USP15: variants seen among roughly 807,000 people sequenced by gnomAD.
USP15 encodes ubiquitin specific peptidase 15.
USP15 carries 18 observed loss-of-function variants against 127.1 expected under a neutral mutation model. The observed-to-expected ratio is 0.14, with a 90% CI of 0.10 to 0.21. The LOEUF (loss-of-function observed/expected upper bound fraction) is 0.21. Among genes scored for constraint, USP15 ranks in the 10% least tolerant of loss-of-function variants. The probability of loss-of-function intolerance (pLI) is 1.00; values close to 1 mark genes in which losing one functional copy is unlikely to be tolerated. For synonymous variants in USP15, 364 were observed against 393.7 expected, an observed-to-expected ratio of 0.92 and a Z score of 0.89; for missense variants, 805 against 1,159.9, an observed-to-expected ratio of 0.69 and a Z score of 4.44.
At chr12:62,323,437 C>T (rs1238141405) in intron 5 of USP15, among the ~76,000 whole-genome samples, 1 of 152,072 alleles carries the variant, frequency 6.6e-6, no homozygotes, top group African/African-American at 2.4e-5. Flanking sequence ...CACTATATGT[C>T]AAGAATTGTA....
intron 4 of USP15, among the ~76,000 whole-genome samples, chr12:62,320,770 T>G (rs893451220): frequency 2.0e-5 from 3 of 152,032 alleles, no homozygotes; most frequent in African/African-American, 7.2e-5. Flanking sequence ...TTTTATAAAT[T>G]TTTTCAAAAC....
intron 8 of USP15, among the ~76,000 whole-genome samples, chr12:62,362,295 G>C (rs2066343374): frequency 6.6e-6 from 1 of 152,070 alleles, no homozygotes; most frequent in Non-Finnish European, 1.5e-5. Context: ...GTAACATTAA[G>C]TATATTCACA....
At position 62,273,466 on chromosome 12, in the gene USP15, C is replaced by T. The variant is rs149364123; in HGVS notation, c.89+12963C>T. ...AATTCCCATTTCTAAGATGGACAGTCGAAGGGTTTTATTGCTGAGTAACTT... is the reference window on the plus strand; with the variant it reads ...AATTCCCATTTCTAAGATGGACAGTTGAAGGGTTTTATTGCTGAGTAACTT... On this transcript the variant is annotated intron_variant, in intron 1 of 21. Coordinates refer to ENST00000280377, the MANE Select transcript of USP15 (RefSeq NM_001252078.2). Among the ~76,000 whole-genome samples the T allele has an allele frequency of 3.2e-3, 494 of 152,110 alleles. 1 individual carries two copies. Among genetic ancestry groups the T allele is most frequent in the African/African-American group, 0.011 (476 of 41,508 alleles).
rs2067872244 is a variant in USP15 at position 62,406,480 on chromosome 12, A to AT, written c.*2107dup. 6.6e-6 allele frequency: 1 copy of AT among 152,154 alleles called. No homozygotes were observed. Among genetic ancestry groups the AT allele is most frequent in the African/African-American group, 2.4e-5 (1 of 41,436 alleles). 9.4% of individuals were successfully genotyped at this position (152,154 alleles called of 1,614,324 possible). The stretch of plus-strand genomic sequence containing the variant: ...TCAAAGCTAAATCTTTTAAACCTAT[A>AT]TTGTGGTCTCCATCCTAATTCTTCA... On this transcript the variant is annotated 3_prime_UTR_variant, in exon 22 of 22. Coordinates refer to ENST00000280377, the MANE Select transcript of USP15 (RefSeq NM_001252078.2).
chr12:62,354,393 A>C (rs1302174493), intron 7 of USP15, among the ~76,000 whole-genome samples: 1 of 151,934 alleles, frequency 6.6e-6, no homozygotes, highest in African/African-American at 2.4e-5. Flanking sequence ...CTTTTAGGAA[A>C]GATCTCATTC....
intron 1 of USP15, among the ~76,000 whole-genome samples, chr12:62,285,502 G>A (rs1014749441): frequency 4.0e-5 from 6 of 151,664 alleles, no homozygotes; most frequent in African/African-American, 1.5e-4. Context: ...ACATGAGTGT[G>A]CCACATTGTC....
intron 2 of USP15, among the ~76,000 whole-genome samples, chr12:62,301,273 C>T (rs1478671909): frequency 2.0e-5 from 3 of 152,182 alleles, no homozygotes; most frequent in Non-Finnish European, 4.4e-5. Context: ...AGAAAATAGT[C>T]TGGCAGTTTC....
intron 6 of USP15, among the ~76,000 whole-genome samples, chr12:62,331,910 A>T (rs767969002): frequency 6.6e-6 from 1 of 152,204 alleles, no homozygotes; most frequent in Non-Finnish European, 1.5e-5. Flanking sequence ...CACTCCTATG[A>T]TCCCAGCACT....
chr12:62,309,699 C>G (rs1233345241), intron 3 of USP15, among the ~76,000 whole-genome samples: 1 of 151,724 alleles, frequency 6.6e-6, no homozygotes, highest in Non-Finnish European at 1.5e-5. Context: ...GTAAAAAGGA[C>G]AAAAATGACC....
intron 18 of USP15, 29 bp from the exon 19 acceptor site, chr12:62,393,024 A>G (rs747160349): frequency 6.2e-7 from 1 of 1,608,586 alleles, no homozygotes. Context: ...TACCTCTATC[A>G]AGTGTTAAAT....
chr12:62,351,052 T>G (rs1487311585), intron 7 of USP15, among the ~76,000 whole-genome samples: 1 of 152,172 alleles, frequency 6.6e-6, no homozygotes, highest in African/African-American at 2.4e-5. Context: ...ACATGTATTT[T>G]TATAATGATT....
intron 2 of USP15, among the ~76,000 whole-genome samples, chr12:62,300,155 T>C (rs2064265579): frequency 6.6e-6 from 1 of 150,980 alleles, no homozygotes; most frequent in Non-Finnish European, 1.5e-5. Context: ...TAATTTTAAG[T>C]CCAATTTGCC....
chr12:62,347,820 A>C (rs922222553), intron 6 of USP15, among the ~76,000 whole-genome samples: 7 of 152,208 alleles, frequency 4.6e-5, no homozygotes, highest in Admixed American at 1.3e-4. Context: ...AACAGAATCC[A>C]GTAATATATA....
chr12:62,387,486 A>G (rs1421248198), intron 11 of USP15, among the ~76,000 whole-genome samples: 2 of 152,204 alleles, frequency 1.3e-5, no homozygotes, highest in Non-Finnish European at 2.9e-5. Context: ...AAAGAGGAAT[A>G]TGATCACAGC....
At chr12:62,390,736 A>T (rs2067299185) in intron 14 of USP15, 128 bp from the exon 15 acceptor site, 1 of 546,608 alleles carries the variant, frequency 1.8e-6, no homozygotes, top group African/African-American at 1.9e-5. Context: ...GTTTGAATTT[A>T]TCTTTGAATC....
chr12:62,306,051 A>G (rs1159691432), intron 3 of USP15: 2 of 152,244 alleles, frequency 1.3e-5, no homozygotes, highest in Non-Finnish European at 2.9e-5. Context: ...GAGGCCTGCA[A>G]CAACCATGTG....
intron 6 of USP15, among the ~76,000 whole-genome samples, chr12:62,327,954 G>A (rs1592596458): frequency 3.3e-5 from 4 of 122,390 alleles, no homozygotes; most frequent in Non-Finnish European, 7.4e-5. Context: ...ATAATTTACT[G>A]TAATACAGAA....
chr12:62,297,631 A>G (rs1243210524), intron 2 of USP15, among the ~76,000 whole-genome samples: 1 of 152,204 alleles, frequency 6.6e-6, no homozygotes, highest in Non-Finnish European at 1.5e-5. Context: ...ACATATCCAC[A>G]AAAAAAGTTT....
At chr12:62,387,107 T>C (rs899381476) in intron 11 of USP15, among the ~76,000 whole-genome samples, 1 of 152,180 alleles carries the variant, frequency 6.6e-6, no homozygotes, top group Non-Finnish European at 1.5e-5. Context: ...GTGTTTAGTA[T>C]TGGATATGCT....
Sources: allele counts gnomAD v4.1 joint callset (sites outside exome capture counted in the v4.1 genomes callset), GRCh38; gene constraint gnomAD v4.1.1; transcripts MANE v1.5; gene names NCBI Gene and HGNC (gene_info 2026-07-23, HGNC 2026-07-21).